Variants in NRAP observed in about 807,000 individuals in gnomAD.
NRAP encodes nebulin-related-anchoring protein.
NRAP carries 189 observed loss-of-function variants against 225.9 expected under a neutral mutation model. The ratio of observed to expected loss-of-function variants is 0.84; its 90% confidence interval spans 0.74 to 0.94. The LOEUF (loss-of-function observed/expected upper bound fraction) is 0.94, where lower values mean the gene tolerates loss of function less well. Ranked by LOEUF, NRAP falls within the 40% of genes least tolerant of loss-of-function variation. The pLI is 0.00. For missense variants in NRAP, 2,176 were observed against 2,168.7 expected (o/e 1.00, Z -0.07); for synonymous variants, 769 against 790.7 (o/e 0.97, Z 0.46).
chr10:113,650,378 C>T, intron 8 of NRAP, 60 bp downstream of exon 8: 1 of 1,270,210 alleles, frequency 7.9e-7, no homozygotes, highest in Admixed American at 1.7e-5. Flanking sequence ...TTGGACTCCT[C>T]AGACCCAGGT....
chr10:113,663,484 T>C lies in NRAP; in HGVS notation c.73-38A>G, dbSNP rs754524798. 365 of 1,245,968 alleles carry C rather than the reference T, an allele frequency of 2.9e-4. 3 individuals carry two copies. The highest frequency in any genetic ancestry group is 2.4e-5 in the Non-Finnish European group (20 of 846,608). 77.2% of individuals were successfully genotyped at this position (1,245,968 alleles called of 1,614,324 possible). ...TAGAGAAGATTTAGCAATTACCCTT[T>C]TCCCCCCAGACTCAAGGTTCTTATA... On this transcript the variant is annotated intron_variant, in intron 1 of 41. Transcript: ENST00000359988.
In NRAP at chr10:113,652,994, G is replaced by A. The variant is rs267602366; in HGVS notation, c.511C>T (p.Pro171Ser). The change falls in exon 6 of 42, where the codon CCA becomes TCA. Residue 171 changes from proline (P) to serine (S), a missense_variant. Physicochemically the swap from Pro to Ser is moderately conservative, Grantham distance 74. This residue lies in a region of NRAP where 1,708 missense variants were observed against 1,695.5 expected (regional missense o/e 1.01). Coordinates refer to ENST00000359988, the MANE Select transcript of NRAP (RefSeq NM_198060.4). The part of the protein sequence containing the change: ...YEQPRGKGSF[P>S]AMITPAYQRA... ...TGATAAGCAGGTGTGATCATGGCTGGAAAGCTCCCCTTGCCCCTGGGTTGC... is the reference window on the plus strand; with the variant it reads ...TGATAAGCAGGTGTGATCATGGCTGAAAAGCTCCCCTTGCCCCTGGGTTGC... 2.5e-6 allele frequency: 4 copies of A among 1,613,096 alleles called. No homozygotes were observed.
At chr10:113,606,664 C>T (rs1592748410) in intron 32 of NRAP, among the ~76,000 whole-genome samples, 2 of 152,216 alleles carry the variant, frequency 1.3e-5, no homozygotes, top group African/African-American at 2.4e-5. Flanking sequence ...TCTCCAAACC[C>T]AGGCCTGTAC....
chr10:113,655,261 G>T (rs1165486050), intron 4 of NRAP, among the ~76,000 whole-genome samples: 1 of 152,122 alleles, frequency 6.6e-6, no homozygotes, highest in Non-Finnish European at 1.5e-5. Context: ...TTCAATTTGA[G>T]CCTCCATTAA....
intron 23 of NRAP, 120 bp downstream of exon 23, chr10:113,623,409 T>C (rs1848108747): frequency 1.7e-6 from 1 of 584,228 alleles, no homozygotes; most frequent in Admixed American, 3.0e-5. Flanking sequence ...CATCTCCATT[T>C]TACAGATAAG....
chr10:113,614,476 GGGCTC>G (rs1200562977), intron 28 of NRAP, among the ~76,000 whole-genome samples, 180 bp from the exon 29 acceptor site: 2 of 152,326 alleles, frequency 1.3e-5, no homozygotes, highest in South Asian at 2.1e-4. Flanking sequence ...AATGACTAAA[GGGCTC>G]GGCTGTGAAA....
At chr10:113,626,614 G>A (rs1254403482) in intron 20 of NRAP, among the ~76,000 whole-genome samples, 1 of 152,104 alleles carries the variant, frequency 6.6e-6, no homozygotes, top group East Asian at 1.9e-4. Flanking sequence ...AGTCTAGTGG[G>A]GAGCAGAGGC....
chr10:113,611,338 G>T (rs182485288), intron 30 of NRAP, among the ~76,000 whole-genome samples: 2 of 152,162 alleles, frequency 1.3e-5, no homozygotes, highest in African/African-American at 2.4e-5. Context: ...TCTGAGTGCC[G>T]CTCAGATCGC....
At position 113,620,725 on chromosome 10, in the gene NRAP, A is replaced by G. The variant is rs1261145348; in HGVS notation, c.2770-17T>C. ...GTATTGGTTCTGACAAAGGAGAAAG[A>G]AAAAAAAAAAAAGCAGGCCATTGTT... On this transcript the variant is annotated splice_polypyrimidine_tract_variant and intron_variant, in intron 24 of 41. Coordinates refer to ENST00000359988, the MANE Select transcript of NRAP (RefSeq NM_198060.4). 2.0e-6 allele frequency: 1 copy of G among 500,970 alleles called. No individual in the cohort carries two copies. Among genetic ancestry groups the G allele is most frequent in the African/African-American group, 2.2e-5 (1 of 46,328 alleles). The allele number at this position is 500,970 out of a possible 1,614,324, so 31.0% of individuals were successfully genotyped here.
chr10:113,663,772 TTTG>T (rs769232663), intron 1 of NRAP, 36 bp downstream of exon 1: 116 of 1,430,340 alleles, frequency 8.1e-5, no homozygotes, highest in Non-Finnish European at 1.4e-5. Context: ...ATTTCCTGTG[TTTG>T]TTATTATTCA....
chr10:113,628,881 G>A (rs1848424084), intron 20 of NRAP, 36 bp downstream of exon 20: 1 of 1,147,226 alleles, frequency 8.7e-7, no homozygotes, highest in South Asian at 1.4e-5. Flanking sequence ...CAGGGGCTGA[G>A]GACTACTGGA....
Position 113,589,767 on chromosome 10 carries a change from T to G in NRAP, c.4987A>C (p.Arg1663=), listed in dbSNP as rs1424239232. 3 of 1,614,034 alleles carry G rather than the reference T, an allele frequency of 1.9e-6. No homozygotes were observed. Among genetic ancestry groups the G allele is most frequent in the Non-Finnish European group, 2.5e-6 (3 of 1,180,016 alleles). ...CCAGGAGGGGTCCAGCCAACACCTC[T>G]GGTCAGGTTCAAGTCTGATTTATAC... ...VKYKSDLNLT[R]GVGWTPPGSY... Residue 1663 remains arginine, a synonymous_variant, in exon 41 of 42, where the codon AGA becomes CGA. Transcript: ENST00000359988.
chr10:113,606,855 C>G (rs1846999079), intron 32 of NRAP, among the ~76,000 whole-genome samples: 2 of 151,932 alleles, frequency 1.3e-5, no homozygotes, highest in Admixed American at 1.3e-4. Context: ...ATCACCAGGT[C>G]AGGAGTTCGA....
Position 113,643,036 on chromosome 10 carries a change from CACCTTGG to C in NRAP, c.1111-5_1112del, listed in dbSNP as rs748140758. 1.5e-5 allele frequency: 22 copies of C among 1,510,338 alleles called. No homozygotes were observed. The highest frequency in any genetic ancestry group is 1.9e-5 in the Non-Finnish European group (21 of 1,085,958). The allele number at this position is 1,510,338 out of a possible 1,614,324, so 93.6% of individuals were successfully genotyped here. A position where few individuals can be genotyped will look rare whatever the true frequency, so the allele number is the denominator to read the frequency against. On this transcript the variant is annotated splice_acceptor_variant and splice_polypyrimidine_tract_variant and coding_sequence_variant and intron_variant, in exon 12 of 42. Transcript: ENST00000359988. LOFTEE classifies it high-confidence loss of function. ...TACTTTCCAGATCCTTCTTATACTC[CACCTTGG>C]AAATCAAAACACCAGACACACAATA...
At chr10:113,641,297 A>G (rs1849186831) in intron 13 of NRAP, 68 bp downstream of exon 13, 2 of 922,200 alleles carry the variant, frequency 2.2e-6, no homozygotes, top group East Asian at 4.9e-5. Context: ...GAATTTAAAA[A>G]GAATTGGCTG....
chr10:113,599,948 C>T (rs1003677380), intron 35 of NRAP, among the ~76,000 whole-genome samples: 4 of 152,178 alleles, frequency 2.6e-5, no homozygotes, highest in African/African-American at 9.7e-5. Context: ...CACTGTGTTG[C>T]AAATGCTCAA....
At position 113,653,104 on chromosome 10, in the gene NRAP, G is replaced by A. The variant is rs74488307; in HGVS notation, c.466-65C>T. On this transcript the variant is annotated intron_variant, in intron 5 of 41. Coordinates refer to ENST00000359988, the MANE Select transcript of NRAP (RefSeq NM_198060.4). ...ATATTGAATGACAACTAAGAAAACC[G>A]CAATAAAACCAATGAAACTAGATTC... The A allele has an allele frequency of 3.4e-3, 2,878 of 837,942 alleles. 57 individuals carry two copies. In the African/African-American group the frequency reaches 0.046, roughly 14 times the overall value. The allele number at this position is 837,942 out of a possible 1,614,324, so 51.9% of individuals were successfully genotyped here. A position where few individuals can be genotyped will look rare whatever the true frequency, so the allele number is the denominator to read the frequency against.
At chr10:113,659,010 T>A (rs941658803) in intron 3 of NRAP, among the ~76,000 whole-genome samples, 5 of 152,192 alleles carry the variant, frequency 3.3e-5, no homozygotes, top group Non-Finnish European at 7.3e-5. Flanking sequence ...GGATTCTTGT[T>A]CCCTATCAAG....
At chr10:113,604,972 ACTCT>A in intron 34 of NRAP, 52 bp from the exon 35 acceptor site, 1 of 1,556,192 alleles carries the variant, frequency 6.4e-7, no homozygotes, top group Non-Finnish European at 8.7e-7. Flanking sequence ...TTCATTGCAG[ACTCT>A]AGAAAAATCA....
Sources: allele counts gnomAD v4.1 joint callset (sites outside exome capture counted in the v4.1 genomes callset), GRCh38; gene constraint gnomAD v4.1.1; regional missense constraint gnomAD v4.1.1; transcripts MANE v1.5; gene names NCBI Gene and HGNC (gene_info 2026-07-23, HGNC 2026-07-21).